MYO15A: variants seen among roughly 807,000 people sequenced by gnomAD.
MYO15A encodes unconventional myosin-XV.
MYO15A carries 308 observed loss-of-function variants against 394.6 expected under a neutral mutation model. That is an observed-to-expected ratio of 0.78 (90% CI 0.71 to 0.86). The LOEUF is 0.86. Among genes scored for constraint, MYO15A ranks in the 40% least tolerant of loss-of-function variants. MYO15A has a pLI of 0.00. For missense variants in MYO15A, 4,606 were observed against 4,799.1 expected (o/e 0.96, Z 1.19); for synonymous variants, 1,957 against 2,003.8 (o/e 0.98, Z 0.62).
Position 18,131,307 on chromosome 17 carries a change from C to A in MYO15A, c.4107C>A (p.Ser1369Arg), listed in dbSNP as rs1406453264. 2 of 1,614,030 alleles carry A rather than the reference C, an allele frequency of 1.2e-6. No homozygotes were observed. The highest frequency in any genetic ancestry group is 1.7e-5 in the Admixed American group (1 of 60,004). ...AAACCGTCAGGAACGACAACTCCAG[C>A]CGCTTTGGGAAGTTTGTGGAAATCT... ...NAKTVRNDNSSRFGKFVEIFL... is the reference protein window; with the variant it reads ...NAKTVRNDNSRRFGKFVEIFL... Residue 1369 changes from serine (S) to arginine (R), a missense_variant, in exon 9 of 66, where the codon AGC becomes AGA. Coordinates refer to ENST00000647165, the MANE Select transcript of MYO15A (RefSeq NM_016239.4).
rs759136649 is a variant in MYO15A, at chr17:18,137,647, C to T, written c.4843C>T (p.Leu1615Phe). 2 of 1,614,076 alleles carry T rather than the reference C, an allele frequency of 1.2e-6. No individual in the cohort carries two copies. Among genetic ancestry groups the T allele is most frequent in the Non-Finnish European group, 1.7e-6 (2 of 1,180,044 alleles). Residue 1615 changes from leucine (L) to phenylalanine (F), a missense_variant, in exon 16 of 66, where the codon CTT (leucine) becomes TTT (phenylalanine). This residue lies in a region of MYO15A where 2,776 missense variants were observed against 3,109.3 expected (regional missense o/e 0.89). Transcript: ENST00000647165. ...INYANENLQY[L>F]FNKIVFQEEQ... ...CTACGCAAACGAGAACCTTCAGTAC[C>T]TTTTCAACAAGATCGTCTTCCAGGA... is the stretch of plus-strand genomic sequence containing the variant.
At chr17:18,158,432 C>A in intron 51 of MYO15A, 91 bp from the exon 52 acceptor site, 1 of 1,147,162 alleles carries the variant, frequency 8.7e-7, no homozygotes, top group Non-Finnish European at 1.3e-6. Flanking sequence ...AATCTGGGTC[C>A]AGTCAGCTAG....
chr17:18,151,109 G>A lies in MYO15A; in HGVS notation c.7474-1G>A. ...CCACCCTCACGTCCTGTTCTCCACA[G>A]AAACCCCCAGCACCAGAGGCACAGC... On this transcript the variant is annotated splice_acceptor_variant, in intron 38 of 65. Transcript: ENST00000647165. LOFTEE classifies it high-confidence loss of function. 6.2e-7 allele frequency: 1 copy of A among 1,613,848 alleles called. No individual in the cohort carries two copies. The highest frequency in any genetic ancestry group is 1.6e-4 in the Middle Eastern group (1 of 6,062).
In MYO15A at chr17:18,150,298, G is replaced by A; in HGVS notation, c.7213-131G>A. On this transcript the variant is annotated intron_variant, in intron 35 of 65. Coordinates refer to ENST00000647165, the MANE Select transcript of MYO15A (RefSeq NM_016239.4). This position sits in a 1 kb window ranked among gnomAD's most constrained non-coding sequence, Gnocchi z 4.4. Reference sequence around the variant, plus strand: ...AGGGGTAAAGGCTGAGCATACAGCAGACACTGAGCCAGTGGGAGGCTGCCC... The same window carrying A: ...AGGGGTAAAGGCTGAGCATACAGCAAACACTGAGCCAGTGGGAGGCTGCCC... 2.5e-6 allele frequency: 2 copies of A among 787,690 alleles called. No individual in the cohort carries two copies. Among genetic ancestry groups the A allele is most frequent in the South Asian group, 2.9e-5 (2 of 69,784 alleles). The allele number at this position is 787,690 out of a possible 1,614,324, so 48.8% of individuals were successfully genotyped here. A position where few individuals can be genotyped will look rare whatever the true frequency, so the allele number is the denominator to read the frequency against.
At chr17:18,136,718 G>T (rs750099351) in intron 15 of MYO15A, 32 bp downstream of exon 15, 91 of 1,566,448 alleles carry the variant, frequency 5.8e-5, no homozygotes, top group Non-Finnish European at 7.8e-5. Flanking sequence ...AGGGGCGGGG[G>T]ACATAGGCAA....
intron 19 of MYO15A, 52 bp downstream of exon 19, chr17:18,139,663 C>A (rs1597790161): frequency 6.3e-7 from 1 of 1,590,978 alleles, no homozygotes; most frequent in Non-Finnish European, 8.6e-7. Context: ...TGTCCCCACC[C>A]CCACACCCAG....
At chr17:18,152,064 A>G in intron 41 of MYO15A, 48 bp from the exon 42 acceptor site, 2 of 1,548,116 alleles carry the variant, frequency 1.3e-6, no homozygotes, top group South Asian at 2.4e-5. Flanking sequence ...CTGCCCCTCC[A>G]CAGGGCCTGC....
intron 1 of MYO15A, chr17:18,110,485 G>A (rs961042458): frequency 2.6e-5 from 4 of 152,206 alleles, no homozygotes; most frequent in African/African-American, 7.2e-5. Context: ...TAACCACACC[G>A]ACTTCAGGAG....
rs186426892 is a variant in MYO15A, at chr17:18,136,626, G to T, written c.4719G>T (p.Ala1573=). ...LFSWLITRVN[A]LVSPRQDTLS... The stretch of plus-strand genomic sequence containing the variant: ...GCTGGCTCATCACCAGGGTCAACGC[G>T]CTGGTGTCCCCAAGGCAGGACACAC... Residue 1573 remains alanine (A), a synonymous_variant, in exon 15 of 66, where the codon GCG becomes GCT. Transcript: ENST00000647165. 1.9e-6 allele frequency: 3 copies of T among 1,613,524 alleles called. No homozygotes were observed. Among genetic ancestry groups the T allele is most frequent in the African/African-American group, 2.7e-5 (2 of 74,938 alleles).
Position 18,126,423 on chromosome 17 carries a change from A to C in MYO15A, c.3833A>C (p.Gln1278Pro). 2.5e-6 allele frequency: 4 copies of C among 1,613,830 alleles called. No homozygotes were observed. Among genetic ancestry groups the C allele is most frequent in the Non-Finnish European group, 3.4e-6 (4 of 1,179,976 alleles). ...FGIYGPEQVQQYNGRALGENP... is the reference protein window; with the variant it reads ...FGIYGPEQVQPYNGRALGENP... Reference sequence around the variant, plus strand: ...ATCTATGGGCCGGAGCAGGTGCAGCAGTACAACGGACGGGCCCTGGGAGAG... The same window carrying C: ...ATCTATGGGCCGGAGCAGGTGCAGCCGTACAACGGACGGGCCCTGGGAGAG... The change falls in exon 5 of 66, where the codon CAG (glutamine) becomes CCG (proline). Residue 1278 changes from glutamine to proline, a missense_variant. Transcript: ENST00000647165.
Position 18,146,084 on chromosome 17 carries a change from G to A in MYO15A, c.6486G>A (p.Pro2162=), listed in dbSNP as rs1313329708. Residue 2162 remains proline (P), a synonymous_variant, in exon 30 of 66, where the codon CCG becomes CCA. Coordinates refer to ENST00000647165, the MANE Select transcript of MYO15A (RefSeq NM_016239.4). The part of the protein sequence containing the change: ...AACLSGFAPS[P]CFNKYLLKFV... ...GCCTCAGTGGCTTTGCACCTTCCCC[G>A]TGCTTCAACAAGTACCTTCTCAAGT... The A allele has an allele frequency of 3.0e-5, 48 of 1,613,738 alleles. No individual in the cohort carries two copies. The highest frequency in any genetic ancestry group is 5.0e-5 in the Admixed American group (3 of 59,982).
At chr17:18,112,812 C>T (rs1336516511) in intron 1 of MYO15A, among the ~76,000 whole-genome samples, 1 of 151,702 alleles carries the variant, frequency 6.6e-6, no homozygotes, top group African/African-American at 2.4e-5. Flanking sequence ...AGTGAGATAA[C>T]TATTCTCATT....
chr17:18,142,274 G>A lies in MYO15A; in HGVS notation c.5825+20G>A. On this transcript the variant is annotated intron_variant, in intron 24 of 65. Transcript: ENST00000647165. Reference sequence around the variant, plus strand: ...TGCCAGGTGAGGCACAGAAAAGGCAGGATTCCTAGGAGACCTATGGTCAGG... The same window carrying A: ...TGCCAGGTGAGGCACAGAAAAGGCAAGATTCCTAGGAGACCTATGGTCAGG... 6.2e-7 allele frequency: 1 copy of A among 1,607,478 alleles called. No individual in the cohort carries two copies. Among genetic ancestry groups the A allele is most frequent in the Non-Finnish European group, 8.5e-7 (1 of 1,177,712 alleles).
rs200101800 is a variant in MYO15A at position 18,178,725 on chromosome 17, T to C, written c.10492-44T>C. 13 of 1,572,262 alleles carry C rather than the reference T, an allele frequency of 8.3e-6. No homozygotes were observed. The African/African-American group carries it at 1.8e-4, about 21-fold the overall frequency. ...GTACTTCCCACCCCAAGGTAAGAGC[T>C]GGGGAAGTGTTGGATGGGCGTGGAC... is the stretch of plus-strand genomic sequence containing the variant. On this transcript the variant is annotated intron_variant, in intron 65 of 65. Coordinates refer to ENST00000647165, the MANE Select transcript of MYO15A (RefSeq NM_016239.4).
At chr17:18,142,001 C>G (rs370422571) in intron 23 of MYO15A, 78 bp from the exon 24 acceptor site, 2 of 1,558,870 alleles carry the variant, frequency 1.3e-6, no homozygotes, top group Non-Finnish European at 1.8e-6. Flanking sequence ...TCTGTCTCCA[C>G]GGACTTCTAG....
intron 15 of MYO15A, 21 bp downstream of exon 15, chr17:18,136,707 G>T: frequency 6.3e-7 from 1 of 1,578,676 alleles, no homozygotes; most frequent in Admixed American, 1.8e-5. Context: ...GTAGGAGGCT[G>T]AGGGGCGGGG....
chr17:18,149,280 A>T lies in MYO15A; in HGVS notation c.7021A>T (p.Met2341Leu). The change falls in exon 34 of 66, where the codon ATG becomes TTG. Residue 2341 changes from methionine to leucine, a missense_variant. Coordinates refer to ENST00000647165, the MANE Select transcript of MYO15A (RefSeq NM_016239.4). ...CACTAGACCCCAGCCCCAGGAGCAC[A>T]TGCCCAAAGTACTTGACTCTGATGG... The part of the protein sequence containing the change: ...MSTRPQPQEH[M>L]PKVLDSDGYS... 6.2e-7 allele frequency: 1 copy of T among 1,614,022 alleles called. No individual in the cohort carries two copies. Among genetic ancestry groups the T allele is most frequent in the Non-Finnish European group, 8.5e-7 (1 of 1,179,962 alleles).
Position 18,154,708 on chromosome 17 carries a change from G to A in MYO15A, c.8177G>A (p.Cys2726Tyr), listed in dbSNP as rs563433412. The change falls in exon 45 of 66, where the codon TGC becomes TAC. Residue 2726 changes from cysteine (C) to tyrosine (Y), a missense_variant. By Grantham distance (194) the Cys-to-Tyr change is radical. Coordinates refer to ENST00000647165, the MANE Select transcript of MYO15A (RefSeq NM_016239.4). ...QILHDTLSEA[C>Y]LRISEDERLR... ...CTGCACGACACGCTCTCCGAGGCCT[G>A]CCTTCGCATCTCTGAGGATGAGAGG... The A allele has an allele frequency of 6.2e-7, 1 of 1,613,714 alleles. No homozygotes were observed. Among genetic ancestry groups the A allele is most frequent in the Admixed American group, 1.7e-5 (1 of 60,030 alleles).
rs199851548 is a variant in MYO15A at position 18,122,192 on chromosome 17, G to T, written c.3392G>T (p.Gly1131Val). The T allele has an allele frequency of 6.2e-7, 1 of 1,613,120 alleles. No homozygotes were observed. Among genetic ancestry groups the T allele is most frequent in the Non-Finnish European group, 8.5e-7 (1 of 1,180,010 alleles). Residue 1131 changes from glycine to valine, a missense_variant, in exon 2 of 66, where the codon GGG (glycine) becomes GTG (valine). This residue lies in a region of MYO15A where 1,830 missense variants were observed against 1,689.7 expected (regional missense o/e 1.08). Coordinates refer to ENST00000647165, the MANE Select transcript of MYO15A (RefSeq NM_016239.4). ...AAGCTGAGCTCTTTCCAGCGAGTTGGGCCTGCAACCCTGAAGCCTCAAGTC... is the reference window on the plus strand; with the variant it reads ...AAGCTGAGCTCTTTCCAGCGAGTTGTGCCTGCAACCCTGAAGCCTCAAGTC... The part of the protein sequence containing the change: ...VQKLSSFQRV[G>V]PATLKPQVQP...
Sources: allele counts gnomAD v4.1 joint callset (sites outside exome capture counted in the v4.1 genomes callset), GRCh38; gene constraint gnomAD v4.1.1; regional missense constraint gnomAD v4.1.1; non-coding constraint Gnocchi (gnomAD v3.1); transcripts MANE v1.5; gene names NCBI Gene and HGNC (gene_info 2026-07-23, HGNC 2026-07-21).